The following DCHS2 variants were observed in gnomAD, a reference collection of about 807,000 sequenced individuals.
DCHS2 encodes protocadherin-23.
Under a neutral mutation model 182.4 loss-of-function variants are expected in DCHS2, and 142 were observed. The ratio of observed to expected loss-of-function variants is 0.78; its 90% confidence interval spans 0.68 to 0.89. DCHS2 has a LOEUF of 0.89. Among genes scored for constraint, DCHS2 ranks in the 40% least tolerant of loss-of-function variants. DCHS2 has a pLI of 0.00. For synonymous variants in DCHS2, 1,740 were observed against 1,663.3 expected, an observed-to-expected ratio of 1.05 and a Z score of -1.12; for missense variants, 4,319 against 4,198.6, an observed-to-expected ratio of 1.03 and a Z score of -0.79.
At position 154,233,067 on chromosome 4, in the gene DCHS2, T is replaced by G. The variant is rs1358260425; in HGVS notation, c.*1469A>C. On this transcript the variant is annotated 3_prime_UTR_variant, in exon 20 of 20. Coordinates refer to ENST00000357232, the MANE Select transcript of DCHS2 (RefSeq NM_001358235.2). ...GTCACAAAATTTCACAGATGAGGCC[T>G]ATGGAAGAAGAACACAAAGGAACTA... 1 of 152,170 alleles carries G rather than the reference T, an allele frequency of 6.6e-6. No homozygotes were observed. Among genetic ancestry groups the G allele is most frequent in the African/African-American group, 2.4e-5 (1 of 41,456 alleles). 9.4% of individuals were successfully genotyped at this position (152,170 alleles called of 1,614,324 possible). A position where few individuals can be genotyped will look rare whatever the true frequency, so the allele number is the denominator to read the frequency against.
At chr4:154,408,049 T>A (rs566281263) in intron 1 of DCHS2, among the ~76,000 whole-genome samples, 1 of 151,844 alleles carries the variant, frequency 6.6e-6, no homozygotes, top group African/African-American at 2.4e-5. Flanking sequence ...TCTGCTCAAA[T>A]AGTATCTTTC....
rs566587304 is a variant in DCHS2, at chr4:154,296,372, G to C, written c.6463+1479C>G. Among the ~76,000 whole-genome samples the C allele has an allele frequency of 4.6e-5, 7 of 152,232 alleles. 1 individual carries two copies. Among genetic ancestry groups the C allele is most frequent in the South Asian group, 2.1e-4 (1 of 4,822 alleles). On this transcript the variant is annotated intron_variant, in intron 13 of 19. Transcript: ENST00000357232. Reference sequence around the variant, plus strand: ...AGGGGTGGCATTCACAGTAAAGAGCGGGGAGTCACTTGGTTAACTTTTCTT... The same window carrying C: ...AGGGGTGGCATTCACAGTAAAGAGCCGGGAGTCACTTGGTTAACTTTTCTT...
chr4:154,386,965 A>C (rs1210346018), intron 1 of DCHS2, among the ~76,000 whole-genome samples: 1 of 152,232 alleles, frequency 6.6e-6, no homozygotes, highest in Non-Finnish European at 1.5e-5. Flanking sequence ...TACAACTAAA[A>C]TCAGCTAGGC....
At chr4:154,300,557 T>C (rs981052601) in intron 12 of DCHS2, among the ~76,000 whole-genome samples, 7 of 148,036 alleles carry the variant, frequency 4.7e-5, no homozygotes, top group Non-Finnish European at 4.5e-5. Flanking sequence ...CATGGTGACA[T>C]GTGCCTGTAT....
chr4:154,277,914 A>C (rs1733928803), intron 13 of DCHS2, among the ~76,000 whole-genome samples: 1 of 151,964 alleles, frequency 6.6e-6, no homozygotes, highest in Non-Finnish European at 1.5e-5. Flanking sequence ...GGTGGCGGGC[A>C]CCTGCAATCC....
intron 3 of DCHS2, among the ~76,000 whole-genome samples, chr4:154,365,856 G>A (rs1156646604): frequency 6.6e-6 from 1 of 150,662 alleles, no homozygotes; most frequent in Non-Finnish European, 1.5e-5. Context: ...CACCATCTTG[G>A]CCAGGCTAGT....
At chr4:154,404,042 A>T (rs1473079418) in intron 1 of DCHS2, among the ~76,000 whole-genome samples, 9 of 151,884 alleles carry the variant, frequency 5.9e-5, no homozygotes, top group Non-Finnish European at 1.5e-5. Flanking sequence ...TTCATATGGT[A>T]ATTTTCTCTA....
At chr4:154,353,617 T>C (rs1729720069) in intron 3 of DCHS2, among the ~76,000 whole-genome samples, 2 of 152,200 alleles carry the variant, frequency 1.3e-5, no homozygotes, top group African/African-American at 4.8e-5. Context: ...CCTTTGGTTA[T>C]ATTACAGTTT....
chr4:154,242,489 A>AT (rs1042987926), intron 17 of DCHS2, among the ~76,000 whole-genome samples, 153 bp downstream of exon 17: 5 of 152,076 alleles, frequency 3.3e-5, no homozygotes, highest in South Asian at 2.1e-4. Flanking sequence ...ATGATCATCC[A>AT]TTTTTTTGTT....
rs1730373947 is a variant in DCHS2 at position 154,366,572 on chromosome 4, G to T, written c.2245-131C>A. 6 of 672,514 alleles carry T rather than the reference G, an allele frequency of 8.9e-6. No homozygotes were observed. The Admixed American group carries it at 1.1e-4, about 13-fold the overall frequency. The allele number at this position is 672,514 out of a possible 1,614,324, so 41.7% of individuals were successfully genotyped here. The stretch of plus-strand genomic sequence containing the variant: ...TATGTGGGGGTTTGTATATGTATAT[G>T]TGTGTATACACATATACACACACCC... On this transcript the variant is annotated intron_variant, in intron 2 of 19. Coordinates refer to ENST00000357232, the MANE Select transcript of DCHS2 (RefSeq NM_001358235.2).
intron 9 of DCHS2, among the ~76,000 whole-genome samples, chr4:154,316,393 T>G (rs769731927): frequency 6.6e-5 from 10 of 152,226 alleles, no homozygotes; most frequent in Admixed American, 3.9e-4. Flanking sequence ...TATGGCTATA[T>G]TCTTTAAGAC....
Position 154,240,802 on chromosome 4 carries a change from A to T in DCHS2, c.7094T>A (p.Val2365Glu). The T allele has an allele frequency of 6.2e-7, 1 of 1,613,760 alleles. No individual in the cohort carries two copies. The highest frequency in any genetic ancestry group is 8.5e-7 in the Non-Finnish European group (1 of 1,179,852). Reference protein sequence around the residue: ...ITEDSLPGVIVTHVSVHDVDL... With the variant: ...ITEDSLPGVIETHVSVHDVDL... ...CACATCATGAACTGACACATGAGTC[A>T]CAATTACACCAGGCAAAGAATCTGA... The change falls in exon 18 of 20, where the codon GTG becomes GAG. Residue 2365 changes from valine (V) to glutamate (E), a missense_variant. Transcript: ENST00000357232.
At chr4:154,402,423 T>C (rs948063044) in intron 1 of DCHS2, among the ~76,000 whole-genome samples, 1 of 152,250 alleles carries the variant, frequency 6.6e-6, no homozygotes, top group Non-Finnish European at 1.5e-5. Context: ...TTGTTGGAAA[T>C]GTCAATTGGG....
intron 13 of DCHS2, among the ~76,000 whole-genome samples, chr4:154,271,172 A>C (rs529587665): frequency 6.6e-6 from 1 of 152,274 alleles, no homozygotes; most frequent in South Asian, 2.1e-4. Flanking sequence ...TTTAAATAGG[A>C]AGTATAAATA....
chr4:154,468,756 T>A (rs1002310875), intron 1 of DCHS2, among the ~76,000 whole-genome samples: 1 of 152,162 alleles, frequency 6.6e-6, no homozygotes, highest in Non-Finnish European at 1.5e-5. Flanking sequence ...GCTCTATTCG[T>A]TAGGACTCCT....
Position 154,234,607 on chromosome 4 carries a change from C to T in DCHS2, c.10045G>A (p.Gly3349Arg), listed in dbSNP as rs773498691. The stretch of plus-strand genomic sequence containing the variant: ...CTGATGTGTGTTCCTAATAATTCTC[C>T]TTCTCTCAACAGTGGAGACAAGGCA... ...PPALSPLLRE[G>R]ELLGTHISGT... is the part of the protein sequence containing the mutation. The change falls in exon 20 of 20, where the codon GGA becomes AGA. Residue 3349 changes from glycine (G) to arginine (R), a missense_variant. Coordinates refer to ENST00000357232, the MANE Select transcript of DCHS2 (RefSeq NM_001358235.2). 1.2e-6 allele frequency: 2 copies of T among 1,613,962 alleles called. No homozygotes were observed. The highest frequency in any genetic ancestry group is 2.2e-5 in the South Asian group (2 of 91,078).
intron 1 of DCHS2, among the ~76,000 whole-genome samples, chr4:154,482,632 G>C (rs940906496): frequency 1.3e-5 from 2 of 152,198 alleles, no homozygotes; most frequent in African/African-American, 4.8e-5. Context: ...TATGTGCTAA[G>C]AGAATAAGTA....
At chr4:154,329,262 A>G (rs1036091717) in intron 6 of DCHS2, among the ~76,000 whole-genome samples, 2 of 152,238 alleles carry the variant, frequency 1.3e-5, no homozygotes, top group African/African-American at 4.8e-5. Context: ...CTGAAGCACC[A>G]TTCAGTTTGT....
chr4:154,244,010 A>G (rs373582236), intron 16 of DCHS2, among the ~76,000 whole-genome samples: 2 of 152,212 alleles, frequency 1.3e-5, no homozygotes, highest in Admixed American at 1.3e-4. Context: ...TTTTACATGG[A>G]ATCTCAGCCC....
Sources: gnomAD v4.1 joint callset for allele counts (sites outside exome capture counted in the v4.1 genomes callset) on GRCh38, gnomAD v4.1.1 for gene constraint, MANE v1.5 for transcripts, NCBI Gene and HGNC (gene_info 2026-07-23, HGNC 2026-07-21) for gene names.